The following SLC4A4 variants were observed in gnomAD, a reference collection of about 807,000 sequenced individuals.
SLC4A4 encodes solute carrier family 4 member 4.
A neutral mutation model predicts 111.5 loss-of-function variants in SLC4A4; 27 were observed. The ratio of observed to expected loss-of-function variants is 0.24; its 90% confidence interval spans 0.18 to 0.33. The LOEUF (loss-of-function observed/expected upper bound fraction) is 0.33. Ranked by LOEUF, SLC4A4 falls within the 10% of genes least tolerant of loss-of-function variation. The probability of loss-of-function intolerance (pLI) is 1.00; values close to 1 mark genes in which losing one functional copy is unlikely to be tolerated. For synonymous variants in SLC4A4, 443 were observed against 463.4 expected (o/e 0.96, Z 0.57); for missense variants, 909 against 1,315.5 (o/e 0.69, Z 4.78).
chr4:71,078,704 G>A (rs895488438), intron 1 of SLC4A4, among the ~76,000 whole-genome samples: 25 of 152,154 alleles, frequency 1.6e-4, no homozygotes, highest in African/African-American at 5.8e-4. Flanking sequence ...CCATCTGAGT[G>A]CTAGGAAGGG....
At chr4:71,455,748 C>CT (rs1156410837) in intron 12 of SLC4A4, among the ~76,000 whole-genome samples, 12 of 151,984 alleles carry the variant, frequency 7.9e-5, no homozygotes, top group Non-Finnish European at 1.5e-4. Flanking sequence ...AGTTTATTGC[C>CT]TTTTTTGAAT....
chr4:71,467,725 G>T, intron 13 of SLC4A4, among the ~76,000 whole-genome samples: 1 of 151,932 alleles, frequency 6.6e-6, no homozygotes. Flanking sequence ...TCCCCAAGTG[G>T]CCACATTAAT....
At chr4:71,480,571 T>G (rs1283560406) in intron 14 of SLC4A4, among the ~76,000 whole-genome samples, 3 of 151,730 alleles carry the variant, frequency 2.0e-5, no homozygotes, top group Non-Finnish European at 4.4e-5. Context: ...AAGGTACTAG[T>G]GTGCTCAAGT....
Position 71,451,291 on chromosome 4 carries a change from C to T in SLC4A4, c.1312C>T (p.Arg438Ter), listed in dbSNP as rs375668046. The T allele has an allele frequency of 6.2e-7, 1 of 1,602,964 alleles. No homozygotes were observed. Among genetic ancestry groups the T allele is most frequent in the Non-Finnish European group, 8.5e-7 (1 of 1,169,942 alleles). Residue 438 changes from arginine to a stop codon, truncating the protein, a stop_gained, in exon 11 of 26, where the codon CGA (arginine) becomes TGA (stop). Coordinates refer to ENST00000264485, the MANE Select transcript of SLC4A4 (RefSeq NM_001098484.3). LOFTEE classifies it high-confidence loss of function. ...ACATGGGGATTGTGAAGAATTGCAG[C>T]GAACTGGACGGTAACTGACAGTTTC... Reference protein sequence around the residue: ...GGHGDCEELQRTGRFCGGLIK... With the variant: ...GGHGDCEELQ
intron 17 of SLC4A4, 82 bp from the exon 18 acceptor site, chr4:71,534,145 C>T (rs1022765719): frequency 2.7e-5 from 30 of 1,127,368 alleles, no homozygotes; most frequent in Non-Finnish European, 4.0e-5. Flanking sequence ...AATATAAAAG[C>T]ATGTCTTCCC....
rs1727332473 is a variant in SLC4A4 at position 71,466,563 on chromosome 4, A to G, written c.1617A>G (p.Leu539=). The change falls in exon 13 of 26, where the codon CTA becomes CTG. Residue 539 remains leucine, a synonymous_variant. Coordinates refer to ENST00000264485, the MANE Select transcript of SLC4A4 (RefSeq NM_001098484.3). Reference sequence around the variant, plus strand: ...CTGTCCTAGTTTTTGAGAGGCTTCTATTTAATTTCAGCAAGTATGTACATA... The same window carrying G: ...CTGTCCTAGTTTTTGAGAGGCTTCTGTTTAATTTCAGCAAGTATGTACATA... ...TGPVLVFERL[L]FNFSKDNNFD... 1 of 1,613,448 alleles carries G rather than the reference A, an allele frequency of 6.2e-7. No individual in the cohort carries two copies. Among genetic ancestry groups the G allele is most frequent in the Non-Finnish European group, 8.5e-7 (1 of 1,179,610 alleles).
intron 6 of SLC4A4, among the ~76,000 whole-genome samples, chr4:71,367,866 C>G (rs951145595): frequency 6.6e-6 from 1 of 152,152 alleles, no homozygotes; most frequent in African/African-American, 2.4e-5. Context: ...TGGCTATAAA[C>G]TTATATTAAT....
intron 1 of SLC4A4, among the ~76,000 whole-genome samples, chr4:71,188,571 C>CT (rs1275122550): frequency 1.3e-5 from 2 of 152,020 alleles, no homozygotes; most frequent in South Asian, 2.1e-4. Flanking sequence ...CTGTATTTCT[C>CT]TTTTTTCTTG....
chr4:71,094,318 G>A (rs1742479612), intron 2 of SLC4A4, among the ~76,000 whole-genome samples: 1 of 152,178 alleles, frequency 6.6e-6, no homozygotes, highest in Non-Finnish European at 1.5e-5. Context: ...AGATTCCAGG[G>A]AAAATGTATT....
chr4:71,292,391 CTAAGTTCTAGGAAG>C (rs1335908527), intron 3 of SLC4A4, among the ~76,000 whole-genome samples: 3 of 152,084 alleles, frequency 2.0e-5, no homozygotes, highest in Admixed American at 1.3e-4. Flanking sequence ...GTTCTAGGAA[CTAAGTTCTAGGAAG>C]TAAGGAGGGA....
At chr4:71,520,395 G>C (rs1333196237) in intron 16 of SLC4A4, among the ~76,000 whole-genome samples, 1 of 152,190 alleles carries the variant, frequency 6.6e-6, no homozygotes, top group Non-Finnish European at 1.5e-5. Flanking sequence ...TACAGACTAA[G>C]TACTCAATAC....
chr4:71,081,088 C>T (rs1015591064), intron 1 of SLC4A4, among the ~76,000 whole-genome samples: 2 of 151,868 alleles, frequency 1.3e-5, no homozygotes, highest in African/African-American at 4.9e-5. Context: ...TATATTTTTC[C>T]TCTGAAGCAC....
chr4:71,125,799 T>G (rs1743545924), intron 2 of SLC4A4, among the ~76,000 whole-genome samples: 1 of 152,146 alleles, frequency 6.6e-6, no homozygotes, highest in South Asian at 2.1e-4. Context: ...TGTGCTGATT[T>G]TGGAGGACTC....
chr4:71,317,618 A>G (rs1418701191), intron 3 of SLC4A4, among the ~76,000 whole-genome samples: 1 of 152,140 alleles, frequency 6.6e-6, no homozygotes, highest in African/African-American at 2.4e-5. Context: ...ATTTTCAAAG[A>G]GTTCAAACCA....
At chr4:71,480,204 A>G (rs1005487699) in intron 14 of SLC4A4, among the ~76,000 whole-genome samples, 5 of 151,306 alleles carry the variant, frequency 3.3e-5, no homozygotes, top group Non-Finnish European at 7.4e-5. Context: ...ATTCATCTCA[A>G]TATCTCCACA....
At chr4:71,187,614 T>G (rs1453020113) in intron 1 of SLC4A4, among the ~76,000 whole-genome samples, 5 of 152,144 alleles carry the variant, frequency 3.3e-5, no homozygotes, top group African/African-American at 1.2e-4. Context: ...AAGTATTTTT[T>G]TTCCTTCTTA....
chr4:71,283,756 C>T (rs908725790), intron 3 of SLC4A4, among the ~76,000 whole-genome samples: 11 of 152,122 alleles, frequency 7.2e-5, no homozygotes, highest in Admixed American at 2.6e-4. Context: ...ACAACATTTC[C>T]GCTGGTTTTG....
chr4:71,335,824 CAA>C (rs201681412), intron 3 of SLC4A4, among the ~76,000 whole-genome samples: 6 of 133,950 alleles, frequency 4.5e-5, no homozygotes, highest in African/African-American at 8.3e-5. Context: ...GACTCTGTCT[CAA>C]AAAAAAAAAA....
At position 71,324,676 on chromosome 4, in the gene SLC4A4, CT is replaced by C. The variant is rs377226083; in HGVS notation, c.254-14691del. On this transcript the variant is annotated intron_variant, in intron 3 of 25. Transcript: ENST00000264485. ...AGTTATAGAATACAAGGAGTACTAC[CT>C]TTATGTTCTAAAGAATTCTAAGTAT... 2.8e-3 allele frequency among the ~76,000 whole-genome samples: 430 copies of C among 152,126 alleles called. 3 individuals are homozygous for C. The highest frequency in any genetic ancestry group is 0.01 in the African/African-American group (416 of 41,550).
Sources: allele counts gnomAD v4.1 joint callset (sites outside exome capture counted in the v4.1 genomes callset), GRCh38; gene constraint gnomAD v4.1.1; transcripts MANE v1.5; gene names NCBI Gene and HGNC (gene_info 2026-07-23, HGNC 2026-07-21).